The following MYOM2 variants were observed in gnomAD, a reference collection of about 807,000 sequenced individuals.
MYOM2 encodes myomesin-2.
A neutral mutation model predicts 187.6 loss-of-function variants in MYOM2; 254 were observed. That is an observed-to-expected ratio of 1.35 (90% CI 1.22 to 1.50). MYOM2 has a LOEUF of 1.50. Among genes scored for constraint, MYOM2 ranks in the 40% most tolerant of loss-of-function variants. MYOM2 has a pLI of 0.00. For missense variants in MYOM2, 2,796 were observed against 1,924.0 expected (o/e 1.45, Z -8.48); for synonymous variants, 981 against 753.8 (o/e 1.30, Z -4.94).
At chr8:2,086,224 T>TGC (rs1563447102) in intron 14 of MYOM2, among the ~76,000 whole-genome samples, 2 of 8,572 alleles carry the variant, frequency 2.3e-4, no homozygotes, top group African/African-American at 8.7e-4. Context: ...ATGATCTCTT[T>TGC]GTGGCCCCCC....
chr8:2,136,333 C>CAGCGGAGGCCGCAGCTGT (rs1299810397), intron 32 of MYOM2, among the ~76,000 whole-genome samples: 1 of 150,238 alleles, frequency 6.7e-6, no homozygotes, highest in Non-Finnish European at 1.5e-5. Flanking sequence ...CCCAGGGTGG[C>CAGCGGAGGCCGCAGCTGT]AGCGGAGGCC....
intron 3 of MYOM2, among the ~76,000 whole-genome samples, chr8:2,055,012 G>GGAACGAAGTACCTGGATACTGGGGT (rs1818612745): frequency 5.5e-5 from 2 of 36,382 alleles, no homozygotes; most frequent in African/African-American, 1.4e-4. Context: ...GGATACTGGG[G>GGAACGAAGTACCTGGATACTGGGGT]AACCAAGTAC....
At chr8:2,093,758 T>C (rs1437126683) in intron 16 of MYOM2, among the ~76,000 whole-genome samples, 1 of 152,258 alleles carries the variant, frequency 6.6e-6, no homozygotes, top group Non-Finnish European at 1.5e-5. Flanking sequence ...CAAGTGGCTT[T>C]GGCACCACGT....
At chr8:2,126,624 T>C (rs531582354) in intron 31 of MYOM2, among the ~76,000 whole-genome samples, 30 of 134,230 alleles carry the variant, frequency 2.2e-4, no homozygotes, top group South Asian at 5.4e-4. Context: ...TGGGGGAGCA[T>C]TGGGGGAGGC....
intron 16 of MYOM2, 60 bp from the exon 17 acceptor site, chr8:2,093,910 T>C (rs986988362): frequency 1.3e-6 from 2 of 1,582,150 alleles, no homozygotes; most frequent in African/African-American, 2.7e-5. Flanking sequence ...TTTTTGCTTC[T>C]GCTGCAGGAG....
chr8:2,075,847 C>T (rs1187741370), intron 10 of MYOM2, among the ~76,000 whole-genome samples: 1 of 152,160 alleles, frequency 6.6e-6, no homozygotes, highest in Non-Finnish European at 1.5e-5. Context: ...CCGTTATGCA[C>T]CATAGCAGGA....
rs1446718451 is a variant in MYOM2 at position 2,072,515 on chromosome 8, T to A, written c.958+6T>A. 2 of 1,611,492 alleles carry A rather than the reference T, an allele frequency of 1.2e-6. No individual in the cohort carries two copies. Among genetic ancestry groups the A allele is most frequent in the East Asian group, 4.5e-5 (2 of 44,844 alleles). On this transcript the variant is annotated splice_donor_region_variant and intron_variant, in intron 9 of 36. Transcript: ENST00000262113. ...CGCCGAGTGGTACCGCGATGGTGAG[T>A]AGGACACGGCCCAGACCCGGGCACA...
chr8:2,051,798 A>G (rs1039364111), intron 2 of MYOM2, among the ~76,000 whole-genome samples: 5 of 152,198 alleles, frequency 3.3e-5, no homozygotes, highest in Non-Finnish European at 5.9e-5. Flanking sequence ...ACACAGGGAC[A>G]CAGGCTTGGG....
At chr8:2,050,133 T>C (rs1818434381) in intron 1 of MYOM2, among the ~76,000 whole-genome samples, 1 of 152,130 alleles carries the variant, frequency 6.6e-6, no homozygotes, top group East Asian at 1.9e-4. Flanking sequence ...TGTGGCTGCG[T>C]CTTTCCAGAG....
chr8:2,113,338 A>G (rs1017472097), intron 25 of MYOM2, among the ~76,000 whole-genome samples: 1 of 152,220 alleles, frequency 6.6e-6, no homozygotes, highest in Admixed American at 6.5e-5. Context: ...GTACAACACA[A>G]TCCACTAGCA....
intron 25 of MYOM2, 31 bp from the exon 26 acceptor site, chr8:2,115,929 T>C (rs1797226775): frequency 6.2e-7 from 1 of 1,602,664 alleles, no homozygotes; most frequent in South Asian, 1.1e-5. Context: ...TTTCCTTGTA[T>C]AATTCTCCAT....
intron 5 of MYOM2, 21 bp downstream of exon 5, chr8:2,057,801 G>T (rs768985915): frequency 1.2e-6 from 2 of 1,607,132 alleles, no homozygotes; most frequent in East Asian, 2.2e-5. Context: ...CTGTTCCCAG[G>T]GGGTGAAGAA....
chr8:2,091,449 C>T (rs972807572), intron 15 of MYOM2, among the ~76,000 whole-genome samples: 13 of 152,134 alleles, frequency 8.5e-5, no homozygotes, highest in African/African-American at 7.2e-5. Flanking sequence ...ATAACTCCTT[C>T]GTGGATGGCA....
chr8:2,050,216 GC>G (rs1485996430), intron 1 of MYOM2, among the ~76,000 whole-genome samples: 1 of 152,020 alleles, frequency 6.6e-6, no homozygotes, highest in Non-Finnish European at 1.5e-5. Context: ...TTGCTTATGG[GC>G]TGCCCTCCTT....
At chr8:2,117,172 T>A (rs1394780849) in intron 27 of MYOM2, among the ~76,000 whole-genome samples, 5 of 152,250 alleles carry the variant, frequency 3.3e-5, no homozygotes, top group Admixed American at 3.3e-4. Context: ...TCATTGTTTT[T>A]ATTTCTAATA....
intron 33 of MYOM2, 55 bp downstream of exon 33, chr8:2,140,941 A>G (rs1193173706): frequency 2.0e-5 from 31 of 1,533,622 alleles, no homozygotes; most frequent in Non-Finnish European, 2.6e-5. Flanking sequence ...ATCCATTTAG[A>G]TGCTGAAGGG....
chr8:2,070,492 G>T (rs1024823515), intron 8 of MYOM2, among the ~76,000 whole-genome samples: 1 of 152,182 alleles, frequency 6.6e-6, no homozygotes, highest in Non-Finnish European at 1.5e-5. Flanking sequence ...AGCCTGGGGA[G>T]CCCGGGAGAT....
chr8:2,134,694 C>A (rs1348705511), intron 32 of MYOM2, among the ~76,000 whole-genome samples: 1 of 152,162 alleles, frequency 6.6e-6, no homozygotes, highest in Non-Finnish European at 1.5e-5. Flanking sequence ...TGACTTTGTT[C>A]TGTGAGCTGT....
At chr8:2,099,992 CTTCT>C in intron 19 of MYOM2, among the ~76,000 whole-genome samples, 1 of 128,746 alleles carries the variant, frequency 7.8e-6, no homozygotes, top group African/African-American at 2.6e-5. Flanking sequence ...TCCTTCCTTC[CTTCT>C]TTCCTTCCTT....
Sources: gnomAD v4.1 joint callset for allele counts (sites outside exome capture counted in the v4.1 genomes callset) on GRCh38, gnomAD v4.1.1 for gene constraint, MANE v1.5 for transcripts, NCBI Gene and HGNC (gene_info 2026-07-23, HGNC 2026-07-21) for gene names.